Variants in HORMAD2 observed in about 807,000 individuals in gnomAD.
The protein encoded by HORMAD2 is HORMA domain-containing protein 2.
A neutral mutation model predicts 38.8 loss-of-function variants in HORMAD2; 45 were observed. That is an observed-to-expected ratio of 1.16 (90% CI 0.91 to 1.49). HORMAD2 has a LOEUF of 1.49. HORMAD2 is among the 40% of genes most tolerant of loss of function. The pLI is 0.00. For synonymous variants in HORMAD2, 126 were observed against 122.8 expected (o/e 1.03, Z -0.17); for missense variants, 338 against 367.0 (o/e 0.92, Z 0.65).
At position 30,122,047 on chromosome 22, in the gene HORMAD2, G is replaced by A. The variant is rs370498674; in HGVS notation, c.652G>A (p.Val218Met). 31 of 1,613,374 alleles carry A rather than the reference G, an allele frequency of 1.9e-5. No homozygotes were observed. Among genetic ancestry groups the A allele is most frequent in the East Asian group, 8.9e-5 (4 of 44,880 alleles). ...GCTGTTTGACAAGGAGCCTATCAAC[G>A]TGCAAGTGGGATTTGTCTCCACTGG... ...FLLFDKEPIN[V>M]QVGFVSTGFH... Residue 218 changes from valine to methionine, a missense_variant, in exon 10 of 11, where the codon GTG (valine) becomes ATG (methionine). By Grantham distance (21) the Val-to-Met change is conservative. Coordinates refer to ENST00000336726, the MANE Select transcript of HORMAD2 (RefSeq NM_152510.4).
At chr22:30,091,596 G>GAC (rs989299496) in intron 1 of HORMAD2, among the ~76,000 whole-genome samples, 38 of 152,186 alleles carry the variant, frequency 2.5e-4, no homozygotes, top group African/African-American at 8.7e-4. Context: ...TCTGTTGATG[G>GAC]ACACTTAGGT....
intron 10 of HORMAD2, among the ~76,000 whole-genome samples, chr22:30,159,026 T>C (rs1925281235): frequency 6.6e-6 from 1 of 152,128 alleles, no homozygotes; most frequent in African/African-American, 2.4e-5. Flanking sequence ...CAATTTCACA[T>C]CTCATTTTAA....
At position 30,176,390 on chromosome 22, in the gene HORMAD2, AT is replaced by A; in HGVS notation, c.*225del. Reference sequence around the variant, plus strand: ...GTCAATAGGGCTGCCTCTGGATAGCATTACTTCAAAGCTGGGTTAGAGATGA... The same window carrying A: ...GTCAATAGGGCTGCCTCTGGATAGCATACTTCAAAGCTGGGTTAGAGATGA... On this transcript the variant is annotated 3_prime_UTR_variant, in exon 11 of 11. Coordinates refer to ENST00000336726, the MANE Select transcript of HORMAD2 (RefSeq NM_152510.4). The A allele has an allele frequency of 4.5e-6, 2 of 447,562 alleles. No individual in the cohort carries two copies. Among genetic ancestry groups the A allele is most frequent in the Non-Finnish European group, 8.0e-6 (2 of 250,026 alleles). The allele number at this position is 447,562 out of a possible 1,614,324, so 27.7% of individuals were successfully genotyped here.
the HORMAD2 span, chr22:30,207,152 C>T: frequency 8.1e-4 from 376 of 463,558 alleles, 3 homozygotes; most frequent in Non-Finnish European, 7.2e-5. Context: ...ACTGTGCTCC[C>T]GCCCGCCCAG....
intron 10 of HORMAD2, among the ~76,000 whole-genome samples, chr22:30,164,666 T>C (rs866014461): frequency 7.9e-5 from 12 of 152,132 alleles, no homozygotes; most frequent in South Asian, 2.1e-4. Context: ...TTTTTGCTGG[T>C]TTGTATTTTA....
intron 1 of HORMAD2, among the ~76,000 whole-genome samples, chr22:30,091,779 G>A (rs2068691735): frequency 6.6e-6 from 1 of 152,060 alleles, no homozygotes; most frequent in African/African-American, 2.4e-5. Flanking sequence ...TTTCCATAAT[G>A]CTTGTACTAA....
intron 1 of HORMAD2, among the ~76,000 whole-genome samples, chr22:30,093,001 A>T (rs1349702506): frequency 6.6e-5 from 10 of 151,940 alleles, no homozygotes; most frequent in African/African-American, 2.4e-4. Context: ...GAATTTTAGG[A>T]GTTTTTTTCC....
intron 1 of HORMAD2, 119 bp from the exon 2 acceptor site, chr22:30,093,797 T>A (rs2068733426): frequency 1.9e-6 from 1 of 532,254 alleles, no homozygotes; most frequent in South Asian, 3.4e-5. Context: ...TATACTTAAC[T>A]GTCTTTGATT....
chr22:30,151,774 G>A (rs781168672), intron 10 of HORMAD2, among the ~76,000 whole-genome samples: 74 of 152,296 alleles, frequency 4.9e-4, no homozygotes, highest in Non-Finnish European at 6.8e-4. Context: ...ATAAAAGATA[G>A]TTTGAAAGAT....
chr22:30,079,741 G>A (rs1336998891), upstream of HORMAD2, among the ~76,000 whole-genome samples: 9 of 151,642 alleles, frequency 5.9e-5, no homozygotes, highest in Admixed American at 3.9e-4. Flanking sequence ...GTGCAATGGC[G>A]GAATCTCGGC....
chr22:30,144,087 C>A (rs1405157991), intron 10 of HORMAD2, among the ~76,000 whole-genome samples: 3 of 152,202 alleles, frequency 2.0e-5, no homozygotes, highest in Non-Finnish European at 4.4e-5. Flanking sequence ...TGTACCAACA[C>A]AAGAACAGCC....
the HORMAD2 span, among the ~76,000 whole-genome samples, chr22:30,194,623 C>T: frequency 6.6e-6 from 1 of 152,176 alleles, no homozygotes; most frequent in Non-Finnish European, 1.5e-5. Context: ...GATCCAATAT[C>T]ATTGTGGCAA....
At chr22:30,078,607 C>CCAAAAAA (rs1234942826), upstream of HORMAD2, among the ~76,000 whole-genome samples, 6 of 28,102 alleles carry the variant, frequency 2.1e-4, no homozygotes, top group African/African-American at 7.4e-4. Flanking sequence ...CTCTGTCTCA[C>CCAAAAAA]AAAAAAAAAA....
At chr22:30,124,886 C>T (rs1922724733) in intron 10 of HORMAD2, among the ~76,000 whole-genome samples, 1 of 152,104 alleles carries the variant, frequency 6.6e-6, no homozygotes, top group African/African-American at 2.4e-5. Context: ...CTCGCTACCC[C>T]CAGTGAAGGA....
At chr22:30,163,306 A>T (rs1925567704) in intron 10 of HORMAD2, among the ~76,000 whole-genome samples, 1 of 152,190 alleles carries the variant, frequency 6.6e-6, no homozygotes, top group Non-Finnish European at 1.5e-5. Flanking sequence ...AGGGGGCCAG[A>T]AGATATTTGA....
At chr22:30,130,020 T>C (rs114538426) in intron 10 of HORMAD2, among the ~76,000 whole-genome samples, 18 of 152,264 alleles carry the variant, frequency 1.2e-4, no homozygotes, top group African/African-American at 4.1e-4. Flanking sequence ...ACTCAAAGAT[T>C]TTTTAAAACT....
In HORMAD2 at chr22:30,122,189, A is replaced by G; in HGVS notation, c.794A>G (p.Asp265Gly). 1 of 1,612,816 alleles carries G rather than the reference A, an allele frequency of 6.2e-7. No individual in the cohort carries two copies. Among genetic ancestry groups the G allele is most frequent in the African/African-American group, 1.3e-5 (1 of 75,014 alleles). ...ATCGCCCATCAGGGTCTAGACTGTG[A>G]TGAGGAAGAAGAATGCAATGACCAT... ...TEIAHQGLDC[D>G]EEEECNDHIQ... Residue 265 changes from aspartate (D) to glycine (G), a missense_variant, in exon 10 of 11, where the codon GAT (aspartate) becomes GGT (glycine). Coordinates refer to ENST00000336726, the MANE Select transcript of HORMAD2 (RefSeq NM_152510.4).
At chr22:30,164,603 A>C (rs1472237791) in intron 10 of HORMAD2, among the ~76,000 whole-genome samples, 1 of 152,184 alleles carries the variant, frequency 6.6e-6, no homozygotes, top group Non-Finnish European at 1.5e-5. Context: ...TCTTATTTAG[A>C]GAAATGTCTC....
the HORMAD2 span, among the ~76,000 whole-genome samples, chr22:30,191,705 A>G: frequency 6.6e-6 from 1 of 152,244 alleles, no homozygotes; most frequent in Non-Finnish European, 1.5e-5. Flanking sequence ...CAAGTAGTTA[A>G]AGAAGCCCTA....
Sources: allele counts gnomAD v4.1 joint callset (sites outside exome capture counted in the v4.1 genomes callset), GRCh38; gene constraint gnomAD v4.1.1; transcripts MANE v1.5; gene names NCBI Gene and HGNC (gene_info 2026-07-23, HGNC 2026-07-21).